ATXN1: variants seen among roughly 807,000 people sequenced by gnomAD.
ATXN1 encodes ataxin 1, also known as ataxin-1.
Under a neutral mutation model 56.4 loss-of-function variants are expected in ATXN1, and 8 were observed. The observed-to-expected ratio is 0.14, with a 90% CI of 0.08 to 0.26. ATXN1 has a LOEUF of 0.26. Ranked by LOEUF, ATXN1 falls within the 10% of genes least tolerant of loss-of-function variation. The pLI is 1.00. For synonymous variants in ATXN1, 514 were observed against 494.6 expected (o/e 1.04, Z -0.52); for missense variants, 987 against 1,106.5 (o/e 0.89, Z 1.53).
At chr6:16,403,365 T>G (rs1234593952) in intron 6 of ATXN1, among the ~76,000 whole-genome samples, 1 of 152,160 alleles carries the variant, frequency 6.6e-6, no homozygotes, top group Non-Finnish European at 1.5e-5. Flanking sequence ...AAAAAAAATT[T>G]TTTAAGACAG....
At chr6:16,747,601 T>C (rs948050530) in intron 2 of ATXN1, among the ~76,000 whole-genome samples, 1 of 151,986 alleles carries the variant, frequency 6.6e-6, no homozygotes, top group African/African-American at 2.4e-5. Flanking sequence ...ATAGTAAATC[T>C]TGCATCCTCT....
chr6:16,424,326 A>G (rs540390139), intron 6 of ATXN1, among the ~76,000 whole-genome samples: 4 of 152,218 alleles, frequency 2.6e-5, no homozygotes, highest in Admixed American at 6.5e-5. Flanking sequence ...GTGCACAAAC[A>G]TTCGGTGATT....
chr6:16,642,382 G>A (rs1247284051), intron 3 of ATXN1, among the ~76,000 whole-genome samples: 1 of 152,130 alleles, frequency 6.6e-6, no homozygotes, highest in African/African-American at 2.4e-5. Context: ...GTGACAGAAC[G>A]AGACTCCGTC....
chr6:16,420,609 T>C (rs2237209), intron 6 of ATXN1, among the ~76,000 whole-genome samples: 24,008 of 152,180 alleles, frequency 0.16, 2,077 homozygotes, highest in East Asian at 0.33. Context: ...CCACATTTAG[T>C]AATACCCTGA....
chr6:16,735,859 A>G (rs1760111431), intron 2 of ATXN1, among the ~76,000 whole-genome samples: 1 of 152,216 alleles, frequency 6.6e-6, no homozygotes, highest in African/African-American at 2.4e-5. Flanking sequence ...AATAATACAA[A>G]AAAAGCATCA....
intron 4 of ATXN1, among the ~76,000 whole-genome samples, chr6:16,566,219 T>C (rs1175812080): frequency 1.3e-5 from 2 of 152,224 alleles, no homozygotes; most frequent in African/African-American, 4.8e-5. Flanking sequence ...TAATGACTTA[T>C]AATCTACAAT....
intron 6 of ATXN1, among the ~76,000 whole-genome samples, chr6:16,344,524 T>A (rs1276980150): frequency 6.6e-6 from 1 of 152,226 alleles, no homozygotes; most frequent in African/African-American, 2.4e-5. Flanking sequence ...TCTTCTGGCC[T>A]TCATCTTTTT....
chr6:16,359,660 G>C (rs1204442036), intron 6 of ATXN1, among the ~76,000 whole-genome samples: 2 of 152,080 alleles, frequency 1.3e-5, no homozygotes, highest in Non-Finnish European at 1.5e-5. Context: ...ATAGAGAGGA[G>C]CTCCCCACTC....
At chr6:16,606,825 G>C (rs1748523896) in intron 3 of ATXN1, among the ~76,000 whole-genome samples, 1 of 123,874 alleles carries the variant, frequency 8.1e-6, no homozygotes, top group Non-Finnish European at 1.7e-5. Flanking sequence ...ATCACGCCCG[G>C]CCCTAAATTG....
At chr6:16,523,172 G>A (rs1020612868) in intron 4 of ATXN1, among the ~76,000 whole-genome samples, 3 of 152,090 alleles carry the variant, frequency 2.0e-5, no homozygotes, top group African/African-American at 7.2e-5. Flanking sequence ...AAAGTGTTGG[G>A]ATTACAGGTT....
chr6:16,566,138 T>C (rs992128804), intron 4 of ATXN1, among the ~76,000 whole-genome samples: 1 of 152,148 alleles, frequency 6.6e-6, no homozygotes, highest in African/African-American at 2.4e-5. Flanking sequence ...CTTTCATGTA[T>C]CTCTATGTGA....
intron 3 of ATXN1, among the ~76,000 whole-genome samples, chr6:16,620,812 AG>A (rs1446491772): frequency 6.6e-6 from 1 of 152,186 alleles, no homozygotes; most frequent in Non-Finnish European, 1.5e-5. Context: ...CATAAGTTCT[AG>A]GACCCCCACC....
intron 3 of ATXN1, among the ~76,000 whole-genome samples, chr6:16,624,775 A>C (rs1288137507): frequency 6.6e-6 from 1 of 152,182 alleles, no homozygotes; most frequent in African/African-American, 2.4e-5. Flanking sequence ...CAAGGGCTTA[A>C]ATTTAACTGA....
intron 7 of ATXN1, among the ~76,000 whole-genome samples, chr6:16,314,426 G>C (rs1294326124): frequency 6.6e-6 from 1 of 152,080 alleles, no homozygotes; most frequent in Non-Finnish European, 1.5e-5. Context: ...AATTCCCTTG[G>C]AGAGGAGCCT....
intron 6 of ATXN1, among the ~76,000 whole-genome samples, chr6:16,440,046 G>A (rs1250884810): frequency 6.7e-6 from 1 of 149,430 alleles, no homozygotes; most frequent in Non-Finnish European, 1.5e-5. Context: ...TTGCACTCCA[G>A]CCTGGGGGAC....
intron 7 of ATXN1, among the ~76,000 whole-genome samples, chr6:16,318,543 G>T (rs1437363721): frequency 6.6e-6 from 1 of 152,152 alleles, no homozygotes; most frequent in Non-Finnish European, 1.5e-5. Flanking sequence ...CCCATTTACT[G>T]CAATGTTTAA....
intron 2 of ATXN1, among the ~76,000 whole-genome samples, chr6:16,665,623 A>T (rs1314109963): frequency 6.6e-6 from 1 of 152,228 alleles, no homozygotes; most frequent in Non-Finnish European, 1.5e-5. Context: ...TACTGGAAGT[A>T]AAAGCACAGA....
intron 7 of ATXN1, among the ~76,000 whole-genome samples, chr6:16,323,525 C>CAAAAAAAAA (rs35308265): frequency 4.1e-5 from 2 of 48,828 alleles, no homozygotes; most frequent in Admixed American, 3.0e-4. Flanking sequence ...ACTCTGTCTC[C>CAAAAAAAAA]AAAAAAAAAA....
At chr6:16,587,827 A>G (rs1219762220) in intron 3 of ATXN1, among the ~76,000 whole-genome samples, 2 of 151,610 alleles carry the variant, frequency 1.3e-5, no homozygotes, top group South Asian at 4.2e-4. Flanking sequence ...GTGACCCGGG[A>G]GGCTGAGGCA....
Sources: gnomAD v4.1 joint callset for allele counts (sites outside exome capture counted in the v4.1 genomes callset) on GRCh38, gnomAD v4.1.1 for gene constraint, MANE v1.5 for transcripts, NCBI Gene and HGNC (gene_info 2026-07-23, HGNC 2026-07-21) for gene names.